Variants in LNX1 observed in about 807,000 individuals in gnomAD.
LNX1 encodes E3 ubiquitin-protein ligase LNX.
In LNX1, 54 loss-of-function variants were observed where a neutral mutation model predicts 68.4. That is an observed-to-expected ratio of 0.79 (90% confidence interval 0.63 to 0.99). The LOEUF (loss-of-function observed/expected upper bound fraction) is 0.99, where lower values mean the gene tolerates loss of function less well. Among genes scored for constraint, LNX1 ranks in the 50% least tolerant of loss-of-function variants. LNX1 has a pLI of 0.00. For missense variants in LNX1, 906 were observed against 926.4 expected, an observed-to-expected ratio of 0.98 and a Z score of 0.29; for synonymous variants, 336 against 350.0, an observed-to-expected ratio of 0.96 and a Z score of 0.45.
upstream of LNX1, among the ~76,000 whole-genome samples, chr4:53,622,112 T>C (rs772418222): frequency 2.6e-5 from 4 of 152,204 alleles, no homozygotes; most frequent in Non-Finnish European, 5.9e-5. Context: ...TATATGCTTC[T>C]CTTATTTCCC....
intron 1 of LNX1, among the ~76,000 whole-genome samples, chr4:53,638,239 A>G (rs1734554366): frequency 6.6e-6 from 1 of 152,162 alleles, no homozygotes; most frequent in Non-Finnish European, 1.5e-5. Flanking sequence ...TGAGAGATGA[A>G]TGGCTGGTAA....
At chr4:53,549,624 AG>A (rs1180077753) in intron 2 of LNX1, 1 of 152,018 alleles carries the variant, frequency 6.6e-6, no homozygotes, top group East Asian at 1.9e-4. Flanking sequence ...CTTTAGAGAT[AG>A]GTGCTGAAAT....
chr4:53,515,292 G>A lies in LNX1; in HGVS notation c.381-7065C>T, dbSNP rs1317996940. 1.2e-4 allele frequency among the ~76,000 whole-genome samples: 18 copies of A among 152,212 alleles called. 1 individual carries two copies. Among genetic ancestry groups the A allele is most frequent in the Admixed American group, 1.1e-3 (17 of 15,284 alleles). On this transcript the variant is annotated intron_variant, in intron 2 of 10. Coordinates refer to ENST00000263925, the MANE Select transcript of LNX1 (RefSeq NM_001126328.3). ...GCTGCGGGCAAGTTGTGGCCACAGA[G>A]CTATACAGTAAACATTTCTTGAATT... is the stretch of plus-strand genomic sequence containing the variant.
At chr4:53,495,880 GT>G in intron 6 of LNX1, 142 bp downstream of exon 6, 1 of 998,834 alleles carries the variant, frequency 1.0e-6, no homozygotes, top group African/African-American at 1.6e-5. Context: ...CTTTGAAAAT[GT>G]TGGTCTTTCC....
intron 1 of LNX1, among the ~76,000 whole-genome samples, chr4:53,631,908 T>G (rs540558971): frequency 6.6e-6 from 1 of 152,124 alleles, no homozygotes; most frequent in Admixed American, 6.5e-5. Flanking sequence ...TGTAATTCTA[T>G]AGTTGTTAGA....
chr4:53,587,410 A>G (rs953642559), intron 1 of LNX1, among the ~76,000 whole-genome samples: 1 of 152,240 alleles, frequency 6.6e-6, no homozygotes. Context: ...CCTTCCAAAC[A>G]GTTTTGAAAA....
chr4:53,465,854 A>G (rs533630157), intron 9 of LNX1, among the ~76,000 whole-genome samples: 2 of 152,318 alleles, frequency 1.3e-5, no homozygotes, highest in African/African-American at 4.8e-5. Flanking sequence ...TTTAGTTTTC[A>G]CAAATACCTT....
intron 1 of LNX1, among the ~76,000 whole-genome samples, chr4:53,626,425 T>C (rs1734077665): frequency 6.6e-6 from 1 of 152,198 alleles, no homozygotes; most frequent in East Asian, 1.9e-4. Flanking sequence ...TAAAGCTCTT[T>C]TAAAAAGTAG....
chr4:53,534,473 A>G (rs1436170092), intron 2 of LNX1, among the ~76,000 whole-genome samples: 3 of 152,074 alleles, frequency 2.0e-5, no homozygotes. Context: ...CTTGTCTCTA[A>G]AAAGAAAAAA....
intron 6 of LNX1, among the ~76,000 whole-genome samples, chr4:53,490,484 T>C (rs1291762746): frequency 1.3e-5 from 2 of 152,136 alleles, no homozygotes; most frequent in African/African-American, 2.4e-5. Context: ...ATAAGGACTT[T>C]CTTCTTAAAA....
intron 1 of LNX1, among the ~76,000 whole-genome samples, chr4:53,650,767 G>A (rs1364398488): frequency 1.3e-5 from 2 of 151,876 alleles, no homozygotes; most frequent in Non-Finnish European, 2.9e-5. Flanking sequence ...CCACCCTCAT[G>A]GTTCCAGAGC....
chr4:53,536,714 C>T lies in LNX1; in HGVS notation c.381-28487G>A, dbSNP rs1174368220. On this transcript the variant is annotated intron_variant, in intron 2 of 10. Transcript: ENST00000263925. Reference sequence around the variant, plus strand: ...AATGCCTCTAAAGAGACTTTGATTACACTAAGAAGCAGAAAATGTTCTTGA... The same window carrying T: ...AATGCCTCTAAAGAGACTTTGATTATACTAAGAAGCAGAAAATGTTCTTGA... 2.0e-5 allele frequency among the ~76,000 whole-genome samples: 3 copies of T among 152,170 alleles called. No homozygotes were observed. The East Asian group carries it at 5.8e-4, about 29-fold the overall frequency.
chr4:53,510,695 G>C (rs1340027965), intron 2 of LNX1, among the ~76,000 whole-genome samples: 1 of 152,248 alleles, frequency 6.6e-6, no homozygotes, highest in African/African-American at 2.4e-5. Flanking sequence ...CTTCCAGGCA[G>C]GCTGGTAGTA....
intron 1 of LNX1, among the ~76,000 whole-genome samples, chr4:53,649,343 G>A (rs1125349): frequency 0.41 from 62,275 of 151,628 alleles, 13,330 homozygotes; most frequent in East Asian, 0.58. Flanking sequence ...ATCCCACAAG[G>A]CGACTACTAT....
intron 1 of LNX1, among the ~76,000 whole-genome samples, chr4:53,639,036 T>G (rs920968858): frequency 3.3e-5 from 5 of 152,220 alleles, no homozygotes; most frequent in Admixed American, 2.0e-4. Context: ...CATACTTGCA[T>G]GTTCACTGCT....
chr4:53,547,400 G>A lies in LNX1; in HGVS notation c.380+26223C>T, dbSNP rs117719421. On this transcript the variant is annotated intron_variant, in intron 2 of 10. Transcript: ENST00000263925. ...AAGTGTTATTCCCATTTATAGGTGAGAAAAGCTCAGAGAAGGTAAGTAACC... is the reference window on the plus strand; with the variant it reads ...AAGTGTTATTCCCATTTATAGGTGAAAAAAGCTCAGAGAAGGTAAGTAACC... 1.3e-3 allele frequency among the ~76,000 whole-genome samples: 200 copies of A among 152,296 alleles called. 2 individuals are homozygous for A. In the East Asian group the frequency reaches 0.015, roughly 11 times the overall value.
chr4:53,607,929 A>G (rs570695209), intron 2 of LNX1, among the ~76,000 whole-genome samples: 2 of 152,352 alleles, frequency 1.3e-5, no homozygotes, highest in African/African-American at 4.8e-5. Flanking sequence ...GAAGATTGAA[A>G]CAGTACCCAT....
intron 1 of LNX1, chr4:53,576,230 A>G: frequency 1.2e-6 from 2 of 1,605,246 alleles, no homozygotes; most frequent in Non-Finnish European, 1.7e-6. Flanking sequence ...CGCTTCCTGC[A>G]GCCGAGGGTC....
chr4:53,602,423 G>A (rs1457443092), intron 2 of LNX1, among the ~76,000 whole-genome samples: 2 of 152,208 alleles, frequency 1.3e-5, no homozygotes, highest in Non-Finnish European at 2.9e-5. Flanking sequence ...AGCTGTCAGA[G>A]TAATCCCAAC....
Sources: gnomAD v4.1 joint callset for allele counts (sites outside exome capture counted in the v4.1 genomes callset) on GRCh38, gnomAD v4.1.1 for gene constraint, MANE v1.5 for transcripts, NCBI Gene and HGNC (gene_info 2026-07-23, HGNC 2026-07-21) for gene names.